The following PCDHGA6 variants were observed in gnomAD, a reference collection of about 807,000 sequenced individuals.
PCDHGA6 encodes protocadherin gamma-A6.
Under a neutral mutation model 60.6 loss-of-function variants are expected in PCDHGA6, and 41 were observed. The observed-to-expected ratio is 0.68, with a 90% confidence interval of 0.53 to 0.88. The LOEUF is 0.88. PCDHGA6 is among the 40% of genes least tolerant of loss of function. The probability of loss-of-function intolerance (pLI) is 0.00; values close to 1 mark genes in which losing one functional copy is unlikely to be tolerated. For synonymous variants in PCDHGA6, 594 were observed against 524.4 expected (o/e 1.13, Z -1.81); for missense variants, 1,312 against 1,203.0 (o/e 1.09, Z -1.34).
At position 141,403,568 on chromosome 5, in the gene PCDHGA6, ACTGCCCACCAC is replaced by A. The variant is rs758329896; in HGVS notation, c.2424+27065_2424+27075del. On this transcript the variant is annotated intron_variant, in intron 1 of 3. Coordinates refer to ENST00000517434, the MANE Select transcript of PCDHGA6 (RefSeq NM_018919.3). The stretch of plus-strand genomic sequence containing the variant: ...GCGCGCCCTGGACAGGGAGGAGGCA[ACTGCCCACCAC>A]CTGGTCCTCACGGCCTCGGATGGCG... The A allele has an allele frequency of 2.5e-6, 4 of 1,613,918 alleles. No individual in the cohort carries two copies. In the South Asian group the frequency reaches 4.4e-5, roughly 18 times the overall value.
chr5:141,509,499 T>C (rs895353804), intron 3 of PCDHGA6, among the ~76,000 whole-genome samples: 1 of 152,128 alleles, frequency 6.6e-6, no homozygotes, highest in Non-Finnish European at 1.5e-5. Flanking sequence ...GCATGCTGGA[T>C]GTGACGGTGT....
chr5:141,411,538 C>G (rs1418802121), intron 1 of PCDHGA6: 1 of 152,268 alleles, frequency 6.6e-6, no homozygotes, highest in Non-Finnish European at 1.5e-5. Context: ...GAGCCCTGAT[C>G]TTGCCACTGC....
chr5:141,398,313 G>T lies in PCDHGA6; in HGVS notation c.2424+21806G>T, dbSNP rs1270917645. The T allele has an allele frequency of 6.6e-6, 9 of 1,358,982 alleles. No individual in the cohort carries two copies. The South Asian group carries it at 1.1e-4, about 16-fold the overall frequency. 84.2% of individuals were successfully genotyped at this position (1,358,982 alleles called of 1,614,324 possible). A position where few individuals can be genotyped will look rare whatever the true frequency, so the allele number is the denominator to read the frequency against. ...TGGGGTTCAGCGTCCAGGAGTTACC[G>T]ACTCGAAAACTGCGCGTCAGTTCGG... On this transcript the variant is annotated intron_variant, in intron 1 of 3. Transcript: ENST00000517434.
intron 3 of PCDHGA6, among the ~76,000 whole-genome samples, chr5:141,508,957 C>T (rs1242113190): frequency 6.6e-6 from 1 of 151,976 alleles, no homozygotes; most frequent in Non-Finnish European, 1.5e-5. Context: ...GAAATGTCAG[C>T]GGAATGAAAG....
intron 1 of PCDHGA6, chr5:141,383,554 G>A (rs773842723): frequency 1.9e-6 from 3 of 1,612,524 alleles, no homozygotes; most frequent in Non-Finnish European, 2.5e-6. Context: ...TGATGGCGGC[G>A]ACCCGCCCCG....
At chr5:141,437,393 G>T (rs1034237295) in intron 1 of PCDHGA6, among the ~76,000 whole-genome samples, 3 of 152,180 alleles carry the variant, frequency 2.0e-5, no homozygotes, top group Admixed American at 6.5e-5. Flanking sequence ...TTCATCCACT[G>T]CTTTCATTCC....
chr5:141,493,289 C>A lies in PCDHGA6; in HGVS notation c.2425-1518C>A, dbSNP rs925045650. On this transcript the variant is annotated intron_variant, in intron 1 of 3. Coordinates refer to ENST00000517434, the MANE Select transcript of PCDHGA6 (RefSeq NM_018919.3). This position sits in a 1 kb window ranked among gnomAD's most constrained non-coding sequence, Gnocchi z 4.3. The stretch of plus-strand genomic sequence containing the variant: ...CTTCACAGAGGTCAAGTGACTTGCT[C>A]AAGTTCACAGAGCAAGTAAGAGAGA... 6.6e-6 allele frequency among the ~76,000 whole-genome samples: 1 copy of A among 152,176 alleles called. No individual in the cohort carries two copies. Among genetic ancestry groups the A allele is most frequent in the East Asian group, 1.9e-4 (1 of 5,194 alleles).
chr5:141,383,075 TG>T, intron 1 of PCDHGA6: 2 of 1,613,878 alleles, frequency 1.2e-6, no homozygotes, highest in Non-Finnish European at 1.7e-6. Flanking sequence ...CCCCGGGAGC[TG>T]GCGGAGCGCG....
At chr5:141,474,854 T>G (rs1007461186) in intron 1 of PCDHGA6, among the ~76,000 whole-genome samples, 3 of 152,260 alleles carry the variant, frequency 2.0e-5, no homozygotes, top group African/African-American at 7.2e-5. Flanking sequence ...CCTGCCTTCT[T>G]CATTTAATAG....
chr5:141,497,217 G>A (rs1046945884), intron 2 of PCDHGA6, among the ~76,000 whole-genome samples: 1 of 152,066 alleles, frequency 6.6e-6, no homozygotes, highest in African/African-American at 2.4e-5. Flanking sequence ...AATGGGGGGG[G>A]GAAGATCAGA....
chr5:141,409,055 G>T (rs141881204), intron 1 of PCDHGA6: 10 of 1,614,038 alleles, frequency 6.2e-6, no homozygotes, highest in Non-Finnish European at 8.5e-6. Flanking sequence ...CCGAAGCACT[G>T]CCCAGAGCAC....
rs780664832 is a variant in PCDHGA6 at position 141,422,982 on chromosome 5, T to C, written c.2424+46475T>C. On this transcript the variant is annotated intron_variant, in intron 1 of 3. Coordinates refer to ENST00000517434, the MANE Select transcript of PCDHGA6 (RefSeq NM_018919.3). ...AGCTGGCGCCCCGCTCTGCGGAACC[T>C]GGCTACCTGGTGACCAAGGTGGTTG... 2.5e-6 allele frequency: 4 copies of C among 1,614,206 alleles called. No individual in the cohort carries two copies. The South Asian group carries it at 4.4e-5, about 18-fold the overall frequency.
Position 141,375,876 on chromosome 5 carries a change from C to T in PCDHGA6, c.1793C>T (p.Ser598Leu). 6.2e-7 allele frequency: 1 copy of T among 1,613,848 alleles called. No homozygotes were observed. The highest frequency in any genetic ancestry group is 8.5e-7 in the Non-Finnish European group (1 of 1,180,030). ...AAGGTGGTGGCGGTGGACAGAGACTCGGGCCAGAACGCCTGGCTGTCCTAC... is the reference window on the plus strand; with the variant it reads ...AAGGTGGTGGCGGTGGACAGAGACTTGGGCCAGAACGCCTGGCTGTCCTAC... ...VTKVVAVDRDSGQNAWLSYRL... is the reference protein window; with the variant it reads ...VTKVVAVDRDLGQNAWLSYRL... The change falls in exon 1 of 4, where the codon TCG (serine) becomes TTG (leucine). Residue 598 changes from serine (S) to leucine (L), a missense_variant. Transcript: ENST00000517434.
intron 1 of PCDHGA6, chr5:141,404,821 A>C: frequency 6.2e-7 from 1 of 1,613,788 alleles, no homozygotes; most frequent in Non-Finnish European, 8.5e-7. Flanking sequence ...GGCTGCACAC[A>C]GGTGAAGTGC....
intron 1 of PCDHGA6, chr5:141,394,906 C>T (rs2150590922): frequency 6.2e-7 from 1 of 1,613,754 alleles, no homozygotes; most frequent in Admixed American, 1.7e-5. Flanking sequence ...GTGGCAGTGG[C>T]TGCCATCTCC....
At chr5:141,383,550 C>T (rs1475330366) in intron 1 of PCDHGA6, 3 of 1,611,980 alleles carry the variant, frequency 1.9e-6, no homozygotes, top group Non-Finnish European at 1.7e-6. Flanking sequence ...CCTCTGATGG[C>T]GGCGACCCGC....
chr5:141,459,510 T>G (rs1449866159), intron 1 of PCDHGA6, among the ~76,000 whole-genome samples: 1 of 152,252 alleles, frequency 6.6e-6, no homozygotes, highest in Non-Finnish European at 1.5e-5. Context: ...TGAACAATCA[T>G]GTACAAGTAT....
Position 141,489,381 on chromosome 5 carries a change from T to C in PCDHGA6, c.2425-5426T>C. 3 of 1,613,894 alleles carry C rather than the reference T, an allele frequency of 1.9e-6. No individual in the cohort carries two copies. The highest frequency in any genetic ancestry group is 2.5e-6 in the Non-Finnish European group (3 of 1,179,802). On this transcript the variant is annotated intron_variant, in intron 1 of 3. Coordinates refer to ENST00000517434, the MANE Select transcript of PCDHGA6 (RefSeq NM_018919.3). The surrounding 1 kb of genome is among the most constrained non-coding windows in gnomAD (Gnocchi z 4.5). ...CTGAGCCGGGGACGCTGGTGGGGAA[T>C]GTTGCTCAGGATCTGGGCTTAAAGA...
At position 141,486,679 on chromosome 5, in the gene PCDHGA6, A is replaced by G. The variant is rs1416879364; in HGVS notation, c.2425-8128A>G. The G allele has an allele frequency of 6.2e-7, 1 of 1,614,092 alleles. No individual in the cohort carries two copies. The highest frequency in any genetic ancestry group is 1.7e-5 in the Admixed American group (1 of 60,026). On this transcript the variant is annotated intron_variant, in intron 1 of 3. Coordinates refer to ENST00000517434, the MANE Select transcript of PCDHGA6 (RefSeq NM_018919.3). The surrounding 1 kb of genome is among the most constrained non-coding windows in gnomAD (Gnocchi z 5.0). Reference sequence around the variant, plus strand: ...TCCTGGAGCCCAGGAATCGAGATGTATCAGCTTCCTCTTTCATCTCTCTGA... The same window carrying G: ...TCCTGGAGCCCAGGAATCGAGATGTGTCAGCTTCCTCTTTCATCTCTCTGA...
Sources: allele counts gnomAD v4.1 joint callset (sites outside exome capture counted in the v4.1 genomes callset), GRCh38; gene constraint gnomAD v4.1.1; non-coding constraint Gnocchi (gnomAD v3.1); transcripts MANE v1.5; gene names NCBI Gene and HGNC (gene_info 2026-07-23, HGNC 2026-07-21).